ERP44: variants seen among roughly 807,000 people sequenced by gnomAD.
ERP44 encodes endoplasmic reticulum resident protein 44.
Under a neutral mutation model 53.4 loss-of-function variants are expected in ERP44, and 25 were observed. The observed-to-expected ratio is 0.47, with a 90% CI of 0.34 to 0.65. The LOEUF (loss-of-function observed/expected upper bound fraction) is 0.65, where lower values mean the gene tolerates loss of function less well. Ranked by LOEUF, ERP44 falls within the 30% of genes least tolerant of loss-of-function variation. ERP44 has a pLI of 0.01. For synonymous variants in ERP44, 145 were observed against 161.2 expected (o/e 0.90, Z 0.76); for missense variants, 338 against 493.2 (o/e 0.69, Z 2.98).
chr9:99,979,751 C>T lies in ERP44; in HGVS notation c.*2861G>A. 2.6e-6 allele frequency: 1 copy of T among 388,014 alleles called. No homozygotes were observed. Among genetic ancestry groups the T allele is most frequent in the Non-Finnish European group, 4.6e-6 (1 of 219,778 alleles). 24.0% of individuals were successfully genotyped at this position (388,014 alleles called of 1,614,324 possible). A position where few individuals can be genotyped will look rare whatever the true frequency, so the allele number is the denominator to read the frequency against. ...GAGAAGCCTGAGGCCCCGAGTAGAT[C>T]AGATAAACCGGGGAAGACTTCTACC... On this transcript the variant is annotated 3_prime_UTR_variant, in exon 12 of 12. Transcript: ENST00000262455.
chr9:100,015,125 A>C (rs1402102885), intron 8 of ERP44, among the ~76,000 whole-genome samples: 1 of 152,232 alleles, frequency 6.6e-6, no homozygotes, highest in African/African-American at 2.4e-5. Context: ...ATTGGGGATT[A>C]GGATTTCAAC....
Position 100,052,479 on chromosome 9 carries a change from A to G in ERP44, c.224T>C (p.Ile75Thr). The G allele has an allele frequency of 6.2e-7, 1 of 1,613,048 alleles. No homozygotes were observed. Among genetic ancestry groups the G allele is most frequent in the Non-Finnish European group, 8.5e-7 (1 of 1,179,504 alleles). The change falls in exon 4 of 12, where the codon ATT (isoleucine) becomes ACT (threonine). Residue 75 changes from isoleucine to threonine, a missense_variant. Coordinates refer to ENST00000262455, the MANE Select transcript of ERP44 (RefSeq NM_015051.3). ...HPIFEEASDV[I>T]KEEFPNENQV... is the part of the protein sequence containing the mutation. ...ATTTTCATTTGGAAATTCTTCCTTA[A>G]TGACATCGGAAGCTTCCTCAAAAAT...
At position 100,023,151 on chromosome 9, in the gene ERP44, A is replaced by G. The variant is rs577664478; in HGVS notation, c.287-925T>C. Among the ~76,000 whole-genome samples the G allele has an allele frequency of 2.8e-4, 42 of 152,224 alleles. No individual in the cohort carries two copies. In the South Asian group the frequency reaches 7.9e-3, roughly 29 times the overall value. On this transcript the variant is annotated intron_variant, in intron 4 of 11. Transcript: ENST00000262455. Reference sequence around the variant, plus strand: ...GATGCATAATAGATACATATCAACTATATGTCCCTTTTCAACCTGATAAAT... The same window carrying G: ...GATGCATAATAGATACATATCAACTGTATGTCCCTTTTCAACCTGATAAAT...
At chr9:99,988,974 G>A (rs1830224579) in intron 10 of ERP44, among the ~76,000 whole-genome samples, 1 of 152,258 alleles carries the variant, frequency 6.6e-6, no homozygotes, top group Non-Finnish European at 1.5e-5. Context: ...GTGGCAGCCT[G>A]GCTGGAGGAG....
At chr9:100,086,175 G>A (rs140357405) in intron 1 of ERP44, among the ~76,000 whole-genome samples, 4 of 152,234 alleles carry the variant, frequency 2.6e-5, no homozygotes, top group Non-Finnish European at 4.4e-5. Context: ...AGGGCATAAC[G>A]CATGTTTCCT....
chr9:100,079,761 C>CCT (rs774592305), intron 1 of ERP44, among the ~76,000 whole-genome samples: 1 of 151,800 alleles, frequency 6.6e-6, no homozygotes, highest in Non-Finnish European at 1.5e-5. Flanking sequence ...CAGCAAGACC[C>CCT]CTCTCTCACT....
intron 4 of ERP44, among the ~76,000 whole-genome samples, chr9:100,042,988 A>C (rs1052927235): frequency 3.3e-5 from 5 of 152,050 alleles, no homozygotes; most frequent in Non-Finnish European, 7.4e-5. Flanking sequence ...GGCCGGGCGC[A>C]GTGGCTCATG....
intron 4 of ERP44, among the ~76,000 whole-genome samples, chr9:100,025,200 T>C (rs762895021): frequency 1.3e-5 from 2 of 152,102 alleles, no homozygotes; most frequent in Non-Finnish European, 2.9e-5. Flanking sequence ...CTACCAAACA[T>C]TTAAGGAGCC....
intron 1 of ERP44, 86 bp from the exon 2 acceptor site, chr9:100,060,258 T>A (rs1587977523): frequency 1.6e-6 from 2 of 1,259,006 alleles, no homozygotes; most frequent in African/African-American, 1.6e-5. Context: ...AATGTGTGAT[T>A]CCACTTGTTC....
intron 1 of ERP44, among the ~76,000 whole-genome samples, chr9:100,067,333 GGC>G (rs1826224228): frequency 6.6e-6 from 1 of 152,102 alleles, no homozygotes; most frequent in African/African-American, 2.4e-5. Context: ...TGCGACTGCA[GGC>G]GCGCGCCGCC....
At chr9:100,065,143 T>G (rs368491614) in intron 1 of ERP44, among the ~76,000 whole-genome samples, 1 of 152,220 alleles carries the variant, frequency 6.6e-6, no homozygotes. Context: ...GTTTCATTCA[T>G]GTTAAGTGCC....
rs564764971 is a variant in ERP44, at chr9:100,009,356, T to C, written c.763-1667A>G. On this transcript the variant is annotated intron_variant, in intron 8 of 11. Coordinates refer to ENST00000262455, the MANE Select transcript of ERP44 (RefSeq NM_015051.3). The stretch of plus-strand genomic sequence containing the variant: ...CTCAATCTCCTGACCTCATGATCCA[T>C]CCCCCTCGGCCTCCCAAAGTGCTGG... Among the ~76,000 whole-genome samples, 7 of 150,222 alleles carry C rather than the reference T, an allele frequency of 4.7e-5. No individual in the cohort carries two copies. In the South Asian group the frequency reaches 1.5e-3, roughly 32 times the overall value.
rs181875924 is a variant in ERP44, at chr9:99,980,399, T to C, written c.*2213A>G. On this transcript the variant is annotated 3_prime_UTR_variant, in exon 12 of 12. Transcript: ENST00000262455. ...CCTAGTTCAAGCCCTGGGATCCAGA[T>C]AGACAGTGCCAGCATTTCAAATAAT... The C allele has an allele frequency of 4.1e-5, 9 of 217,286 alleles. No homozygotes were observed. The highest frequency in any genetic ancestry group is 1.8e-4 in the South Asian group (1 of 5,436). The allele number at this position is 217,286 out of a possible 1,614,324, so 13.5% of individuals were successfully genotyped here.
chr9:100,079,947 A>C lies in ERP44; in HGVS notation c.57+18837T>G, dbSNP rs528653200. On this transcript the variant is annotated intron_variant, in intron 1 of 11. Transcript: ENST00000262455. ...GAGTGCTGTCTTTAAAAAAAACAAA[A>C]AAAAAAAAAACAGAATCATAAACTT... Among the ~76,000 whole-genome samples the C allele has an allele frequency of 2.3e-3, 343 of 152,078 alleles. 1 individual carries two copies. The highest frequency in any genetic ancestry group is 2.7e-3 in the Non-Finnish European group (186 of 67,984).
At chr9:100,049,863 A>C (rs1826018021) in intron 4 of ERP44, among the ~76,000 whole-genome samples, 2 of 152,194 alleles carry the variant, frequency 1.3e-5, no homozygotes, top group Admixed American at 6.5e-5. Flanking sequence ...TTTATATCTG[A>C]ATGTTCATAA....
intron 10 of ERP44, chr9:99,998,462 C>T (rs765834528): frequency 3.2e-5 from 22 of 696,344 alleles, no homozygotes; most frequent in Non-Finnish European, 5.1e-5. Flanking sequence ...GTCATCACAC[C>T]TCTGCACTCT....
intron 1 of ERP44, among the ~76,000 whole-genome samples, chr9:100,063,727 A>T (rs1826180926): frequency 6.6e-6 from 1 of 152,244 alleles, no homozygotes; most frequent in Non-Finnish European, 1.5e-5. Context: ...TAGACAACAT[A>T]TACAAATATA....
intron 1 of ERP44, among the ~76,000 whole-genome samples, chr9:100,067,197 GGTCTCCCTCTCCCTCTCTTTCCACA>G (rs1462884558): frequency 2.0e-5 from 3 of 151,620 alleles, no homozygotes; most frequent in Admixed American, 6.6e-5. Context: ...CTCTCCCCAC[GGTCTCCCTCTCCCTCTCTTTCCACA>G]GTCTCCCTCT....
Position 99,979,186 on chromosome 9 carries a change from T to C in ERP44, c.*3426A>G, listed in dbSNP as rs1830120633. 6.6e-6 allele frequency: 1 copy of C among 151,912 alleles called. No homozygotes were observed. Among genetic ancestry groups the C allele is most frequent in the Non-Finnish European group, 1.5e-5 (1 of 67,968 alleles). The allele number at this position is 151,912 out of a possible 1,614,324, so 9.4% of individuals were successfully genotyped here. ...CAATTTTTTTTTTTTTACTTTTCAT[T>C]TTTGCAGTTTCATGTCATTTTATTT... On this transcript the variant is annotated 3_prime_UTR_variant, in exon 12 of 12. Transcript: ENST00000262455.
Sources: gnomAD v4.1 joint callset for allele counts (sites outside exome capture counted in the v4.1 genomes callset) on GRCh38, gnomAD v4.1.1 for gene constraint, MANE v1.5 for transcripts, NCBI Gene and HGNC (gene_info 2026-07-23, HGNC 2026-07-21) for gene names.